The following PCDH9 variants were observed in gnomAD, a reference collection of about 807,000 sequenced individuals.
PCDH9 encodes protocadherin 9.
PCDH9 carries 24 observed loss-of-function variants against 70.6 expected under a neutral mutation model. The observed-to-expected ratio is 0.34, with a 90% CI of 0.25 to 0.48. PCDH9 has a LOEUF of 0.48. Among genes scored for constraint, PCDH9 ranks in the 20% least tolerant of loss-of-function variants. The probability of loss-of-function intolerance (pLI) is 0.99; values close to 1 mark genes in which losing one functional copy is unlikely to be tolerated. For missense variants in PCDH9, 1,281 were observed against 1,503.6 expected (o/e 0.85, Z 2.45); for synonymous variants, 562 against 558.5 (o/e 1.01, Z -0.09).
rs954949243 is a variant in PCDH9, at chr13:66,973,864, C to T, written c.3037-70259G>A. ...TTTCCCCAAGGTTTGTTAGCATTTG[C>T]TTGTATTTTGTTTACTTTTGCACAC... On this transcript the variant is annotated intron_variant, in intron 2 of 4. Transcript: ENST00000377865. 7.2e-5 allele frequency among the ~76,000 whole-genome samples: 11 copies of T among 151,950 alleles called. No individual in the cohort carries two copies. The East Asian group carries it at 1.4e-3, about 19-fold the overall frequency.
chr13:66,542,141 T>G (rs1210404692), intron 4 of PCDH9, among the ~76,000 whole-genome samples: 2 of 152,248 alleles, frequency 1.3e-5, no homozygotes, highest in South Asian at 4.2e-4. Flanking sequence ...TAATAATCAT[T>G]TTTACCATAA....
At chr13:66,616,884 A>G (rs2077362883) in intron 4 of PCDH9, among the ~76,000 whole-genome samples, 1 of 152,096 alleles carries the variant, frequency 6.6e-6, no homozygotes, top group Non-Finnish European at 1.5e-5. Flanking sequence ...CCCCCAAGAC[A>G]CATTTTTGTC....
Position 66,775,960 on chromosome 13 carries a change from G to A in PCDH9, c.3138+127544C>T, listed in dbSNP as rs2072234631. ...GGGTGCCTATTATCAATATAAAGGT[G>A]TTTCCATCCACCATGTTGGAGGCCC... On this transcript the variant is annotated intron_variant, in intron 3 of 4. Coordinates refer to ENST00000377865, the MANE Select transcript of PCDH9 (RefSeq NM_203487.3). Among the ~76,000 whole-genome samples the A allele has an allele frequency of 2.6e-5, 4 of 152,220 alleles. No homozygotes were observed. The South Asian group carries it at 8.3e-4, about 32-fold the overall frequency.
At chr13:66,978,692 T>A (rs1183436435) in intron 2 of PCDH9, among the ~76,000 whole-genome samples, 1 of 149,440 alleles carries the variant, frequency 6.7e-6, no homozygotes, top group African/African-American at 2.4e-5. Context: ...AATATATATA[T>A]TATATATAAT....
chr13:66,540,421 A>G (rs1960903738), intron 4 of PCDH9, among the ~76,000 whole-genome samples: 1 of 152,168 alleles, frequency 6.6e-6, no homozygotes, highest in African/African-American at 2.4e-5. Flanking sequence ...TGTTCATGTA[A>G]GTTAAAGGTA....
At chr13:67,014,539 T>C (rs1314032847) in intron 2 of PCDH9, among the ~76,000 whole-genome samples, 1 of 152,120 alleles carries the variant, frequency 6.6e-6, no homozygotes, top group African/African-American at 2.4e-5. Context: ...CACTTAATCA[T>C]ATCTACTTGG....
intron 4 of PCDH9, among the ~76,000 whole-genome samples, chr13:66,583,793 T>G (rs1038678615): frequency 6.6e-6 from 1 of 152,190 alleles, no homozygotes; most frequent in Non-Finnish European, 1.5e-5. Context: ...TTTTTGTTTC[T>G]TCATTTTATG....
At chr13:66,474,501 A>C (rs915041964) in intron 4 of PCDH9, among the ~76,000 whole-genome samples, 1 of 152,174 alleles carries the variant, frequency 6.6e-6, no homozygotes, top group Admixed American at 6.5e-5. Flanking sequence ...TGTGTAGTCA[A>C]TATTACAAAA....
chr13:66,999,914 G>T (rs2084203696), intron 2 of PCDH9, among the ~76,000 whole-genome samples: 1 of 152,162 alleles, frequency 6.6e-6, no homozygotes, highest in African/African-American at 2.4e-5. Flanking sequence ...CATTGTGGAA[G>T]TCAGTGTGGC....
chr13:67,147,111 A>T (rs1333628139), intron 2 of PCDH9, among the ~76,000 whole-genome samples: 2 of 152,114 alleles, frequency 1.3e-5, no homozygotes, highest in Non-Finnish European at 2.9e-5. Context: ...AGCCTACAGC[A>T]TTTTTTTATT....
At chr13:66,891,185 T>C (rs2082089971) in intron 3 of PCDH9, among the ~76,000 whole-genome samples, 1 of 152,084 alleles carries the variant, frequency 6.6e-6, no homozygotes, top group African/African-American at 2.4e-5. Flanking sequence ...ACTACCACCA[T>C]TTGTTTATGT....
intron 4 of PCDH9, among the ~76,000 whole-genome samples, chr13:66,619,359 C>T (rs1006007403): frequency 6.6e-6 from 1 of 152,014 alleles, no homozygotes; most frequent in South Asian, 2.1e-4. Flanking sequence ...GGAGCCCCAT[C>T]AGGCATGGTA....
At chr13:67,030,482 C>G (rs1361729116) in intron 2 of PCDH9, among the ~76,000 whole-genome samples, 2 of 151,934 alleles carry the variant, frequency 1.3e-5, no homozygotes, top group Non-Finnish European at 2.9e-5. Flanking sequence ...TCTCATCCCC[C>G]CACCACCGAC....
intron 4 of PCDH9, among the ~76,000 whole-genome samples, chr13:66,458,367 A>AT (rs370829000): frequency 6.6e-6 from 1 of 152,030 alleles, no homozygotes; most frequent in African/African-American, 2.4e-5. Flanking sequence ...AGAATATTTT[A>AT]TTTTTTTAAC....
intron 2 of PCDH9, among the ~76,000 whole-genome samples, chr13:67,071,038 C>T (rs544916586): frequency 5.5e-4 from 83 of 152,212 alleles, no homozygotes; most frequent in Non-Finnish European, 7.9e-4. Flanking sequence ...TATTCATTCT[C>T]GCTAACTTCC....
At chr13:66,649,385 G>T (rs1480307529) in intron 3 of PCDH9, among the ~76,000 whole-genome samples, 1 of 151,996 alleles carries the variant, frequency 6.6e-6, no homozygotes, top group Non-Finnish European at 1.5e-5. Flanking sequence ...AACCCTATAG[G>T]CTAGGAGAGA....
intron 3 of PCDH9, among the ~76,000 whole-genome samples, chr13:66,764,251 GAA>G (rs5804295): frequency 1.3e-4 from 19 of 141,494 alleles, no homozygotes; most frequent in Admixed American, 2.8e-4. Context: ...TGTATGCACT[GAA>G]AAAAAAAAAA....
chr13:66,450,762 T>G (rs536286100), intron 4 of PCDH9, among the ~76,000 whole-genome samples: 2 of 152,188 alleles, frequency 1.3e-5, no homozygotes, highest in African/African-American at 4.8e-5. Context: ...ACGCCTGTAA[T>G]CCCAGCACTT....
chr13:66,440,829 T>A (rs1367710267), intron 4 of PCDH9, among the ~76,000 whole-genome samples: 1 of 152,152 alleles, frequency 6.6e-6, no homozygotes, highest in Admixed American at 6.6e-5. Flanking sequence ...TTTCTTCTAG[T>A]TTTTCTCCTT....
Sources: allele counts gnomAD v4.1 joint callset (sites outside exome capture counted in the v4.1 genomes callset), GRCh38; gene constraint gnomAD v4.1.1; transcripts MANE v1.5; gene names NCBI Gene and HGNC (gene_info 2026-07-23, HGNC 2026-07-21).